WWP2: variants seen among roughly 807,000 people sequenced by gnomAD.
WWP2 encodes the protein NEDD4-like E3 ubiquitin-protein ligase WWP2.
In WWP2, 57 loss-of-function variants were observed where a neutral mutation model predicts 121.0. The ratio of observed to expected loss-of-function variants is 0.47; its 90% CI spans 0.38 to 0.59. The LOEUF is 0.59. Ranked by LOEUF, WWP2 falls within the 20% of genes least tolerant of loss-of-function variation. The pLI is 0.00. For missense variants in WWP2, 962 were observed against 1,158.9 expected, an observed-to-expected ratio of 0.83 and a Z score of 2.47; for synonymous variants, 449 against 441.3, an observed-to-expected ratio of 1.02 and a Z score of -0.22.
chr16:69,887,834 G>A (rs966405548), intron 7 of WWP2, among the ~76,000 whole-genome samples: 3 of 152,064 alleles, frequency 2.0e-5, no homozygotes, highest in African/African-American at 4.8e-5. Context: ...TATTTATTTC[G>A]GATTCATCCT....
chr16:69,917,968 T>G, intron 10 of WWP2, 85 bp downstream of exon 10: 1 of 1,496,002 alleles, frequency 6.7e-7, no homozygotes, highest in South Asian at 1.3e-5. Context: ...TTGACCTGCT[T>G]AGTGAGCAGG....
chr16:69,799,379 C>T lies in WWP2; in HGVS notation c.340+84C>T, dbSNP rs1053238642. ...AGATCAACCTGGTATTGCAATTTCC[C>T]CCAGGACTAGGGGCTGCAGTACCTC... On this transcript the variant is annotated intron_variant, in intron 4 of 23. Transcript: ENST00000359154. This position sits in a 1 kb window ranked among gnomAD's most constrained non-coding sequence, Gnocchi z 4.5. 6.5e-7 allele frequency: 1 copy of T among 1,538,342 alleles called. No homozygotes were observed. The highest frequency in any genetic ancestry group is 1.3e-5 in the South Asian group (1 of 79,992).
intron 1 of WWP2, chr16:69,776,083 G>A (rs886432979): frequency 1.3e-5 from 2 of 152,272 alleles, no homozygotes; most frequent in Admixed American, 1.3e-4. Context: ...CAAAGTATGG[G>A]GGAGGGGAAG....
chr16:69,862,373 G>GT lies in WWP2; in HGVS notation c.576-9424dup, dbSNP rs558395930. 1.1e-3 allele frequency among the ~76,000 whole-genome samples: 163 copies of GT among 151,898 alleles called. 1 individual carries two copies. The South Asian group carries it at 0.016, about 15-fold the overall frequency. On this transcript the variant is annotated intron_variant, in intron 6 of 23. Transcript: ENST00000359154. The stretch of plus-strand genomic sequence containing the variant: ...AGCTACCGCGCCTGGCCCTTGTTTT[G>GT]TTTTTTTGAGATGGAGTCTCGCTGT...
At position 69,799,985 on chromosome 16, in the gene WWP2, G is replaced by A. The variant is rs2056127596; in HGVS notation, c.340+690G>A. ...ATGTGGCGAATGAATGGCATGGAAAGAAAGGCTCCTTTTTCTCTTGATATC... is the reference window on the plus strand; with the variant it reads ...ATGTGGCGAATGAATGGCATGGAAAAAAAGGCTCCTTTTTCTCTTGATATC... On this transcript the variant is annotated intron_variant, in intron 4 of 23. Coordinates refer to ENST00000359154, the MANE Select transcript of WWP2 (RefSeq NM_001270454.2). The surrounding 1 kb of genome is among the most constrained non-coding windows in gnomAD (Gnocchi z 4.5). 6.6e-6 allele frequency among the ~76,000 whole-genome samples: 1 copy of A among 151,154 alleles called. No homozygotes were observed. Among genetic ancestry groups the A allele is most frequent in the Non-Finnish European group, 1.5e-5 (1 of 67,824 alleles).
At chr16:69,797,165 G>T (rs1004497253) in intron 2 of WWP2, among the ~76,000 whole-genome samples, 4 of 152,194 alleles carry the variant, frequency 2.6e-5, no homozygotes, top group Admixed American at 6.5e-5. Context: ...TGTGATGCTT[G>T]TGTAGCTTTG....
At chr16:69,849,580 G>A (rs1434558276) in intron 6 of WWP2, among the ~76,000 whole-genome samples, 1 of 152,172 alleles carries the variant, frequency 6.6e-6, no homozygotes, top group African/African-American at 2.4e-5. Flanking sequence ...CTTCTGAGCA[G>A]TTGGTAAATA....
Position 69,925,239 on chromosome 16 carries a change from T to A in WWP2, c.1180-191T>A. ...GTGCGCAGGGTTCTTTTTTGGTTTT[T>A]CTGTAAAAATCAAAACAAAAAACAG... On this transcript the variant is annotated intron_variant, in intron 10 of 23. Coordinates refer to ENST00000359154, the MANE Select transcript of WWP2 (RefSeq NM_001270454.2). This position sits in a 1 kb window ranked among gnomAD's most constrained non-coding sequence, Gnocchi z 4.0. 6.9e-7 allele frequency: 1 copy of A among 1,440,718 alleles called. No homozygotes were observed. The highest frequency in any genetic ancestry group is 2.4e-5 in the East Asian group (1 of 41,514). 89.2% of individuals were successfully genotyped at this position (1,440,718 alleles called of 1,614,324 possible).
chr16:69,834,514 TAAA>T (rs1004371996), intron 4 of WWP2, among the ~76,000 whole-genome samples: 27 of 151,300 alleles, frequency 1.8e-4, no homozygotes, highest in African/African-American at 6.3e-4. Context: ...TTTATTTCAT[TAAA>T]AAATTTTTTT....
chr16:69,903,870 A>AAATT (rs1448353188), intron 8 of WWP2, among the ~76,000 whole-genome samples: 3 of 152,190 alleles, frequency 2.0e-5, no homozygotes, highest in Non-Finnish European at 4.4e-5. Flanking sequence ...CAGCCCACCC[A>AAATT]AATATTAGAG....
At chr16:69,938,738 T>C (rs998825093) in intron 21 of WWP2, among the ~76,000 whole-genome samples, 1 of 152,230 alleles carries the variant, frequency 6.6e-6, no homozygotes, top group Admixed American at 6.5e-5. Flanking sequence ...GTCACTCCCA[T>C]ATTTAGTCAT....
chr16:69,786,137 C>CT lies in WWP2; in HGVS notation c.-15-845dup, dbSNP rs66601463. The CT allele has an allele frequency of 1.8e-3, 246 of 139,908 alleles. 1 individual carries two copies. Among genetic ancestry groups the CT allele is most frequent in the African/African-American group, 4.2e-3 (157 of 37,626 alleles). 8.7% of individuals were successfully genotyped at this position (139,908 alleles called of 1,614,324 possible). A position where few individuals can be genotyped will look rare whatever the true frequency, so the allele number is the denominator to read the frequency against. ...TCTGTGATGTTCTTTTTGGAGATGT[C>CT]TTTTTTTTTTTTTTCTTCTTTTTTT... On this transcript the variant is annotated intron_variant, in intron 1 of 23. Transcript: ENST00000359154.
chr16:69,837,271 AC>A (rs1452514153), intron 4 of WWP2, among the ~76,000 whole-genome samples: 1 of 149,928 alleles, frequency 6.7e-6, no homozygotes, highest in East Asian at 2.0e-4. Flanking sequence ...TCACTGTGTT[AC>A]TCATGCTTGT....
At position 69,796,020 on chromosome 16, in the gene WWP2, C is replaced by CTT. The variant is rs796199052; in HGVS notation, c.71-2652_71-2651dup. ...GACCAGAACAAATTTTTTTTTCTTT[C>CTT]TTTTTTTTTTTGCGATGATGGGCAT... On this transcript the variant is annotated intron_variant, in intron 2 of 23. Coordinates refer to ENST00000359154, the MANE Select transcript of WWP2 (RefSeq NM_001270454.2). 6.0e-4 allele frequency among the ~76,000 whole-genome samples: 86 copies of CTT among 143,470 alleles called. 1 individual carries two copies. Among genetic ancestry groups the CTT allele is most frequent in the African/African-American group, 2.1e-3 (84 of 39,422 alleles). The allele number at this position is 143,470 out of a possible 152,430, so 94.1% of individuals were successfully genotyped here.
chr16:69,914,654 G>A (rs2058453957), intron 9 of WWP2, among the ~76,000 whole-genome samples: 1 of 152,154 alleles, frequency 6.6e-6, no homozygotes, highest in South Asian at 2.1e-4. Flanking sequence ...CTACTTGGGA[G>A]GCTGAGGTGG....
chr16:69,863,286 T>G (rs976221693), intron 6 of WWP2, among the ~76,000 whole-genome samples: 2 of 152,184 alleles, frequency 1.3e-5, no homozygotes, highest in Non-Finnish European at 2.9e-5. Context: ...TTACCCTTAC[T>G]AGTGTATAGT....
At chr16:69,795,575 C>T (rs1261999074) in intron 2 of WWP2, among the ~76,000 whole-genome samples, 1 of 142,340 alleles carries the variant, frequency 7.0e-6, no homozygotes. Context: ...AAAATGATAA[C>T]AATTGGTGAA....
chr16:69,935,132 G>T lies in WWP2; in HGVS notation c.1843-721G>T, dbSNP rs976918167. On this transcript the variant is annotated intron_variant, in intron 17 of 23. Coordinates refer to ENST00000359154, the MANE Select transcript of WWP2 (RefSeq NM_001270454.2). The surrounding 1 kb of genome is among the most constrained non-coding windows in gnomAD (Gnocchi z 5.2). ...GGAGCCCGTGGGAGGCACAGCGCGGGAGCCACATGCATAGCTGGAGATGTT... is the reference window on the plus strand; with the variant it reads ...GGAGCCCGTGGGAGGCACAGCGCGGTAGCCACATGCATAGCTGGAGATGTT... Among the ~76,000 whole-genome samples the T allele has an allele frequency of 6.6e-6, 1 of 152,204 alleles. No individual in the cohort carries two copies. Among genetic ancestry groups the T allele is most frequent in the South Asian group, 2.1e-4 (1 of 4,834 alleles).
chr16:69,857,384 C>A (rs1321647364), intron 6 of WWP2, among the ~76,000 whole-genome samples: 1 of 152,118 alleles, frequency 6.6e-6, no homozygotes, highest in Admixed American at 6.6e-5. Context: ...TGAGCCACCA[C>A]GCCTGGCGTA....
Sources: allele counts gnomAD v4.1 joint callset (sites outside exome capture counted in the v4.1 genomes callset), GRCh38; gene constraint gnomAD v4.1.1; non-coding constraint Gnocchi (gnomAD v3.1); transcripts MANE v1.5; gene names NCBI Gene and HGNC (gene_info 2026-07-23, HGNC 2026-07-21).